KAT14: variants seen among roughly 807,000 people sequenced by gnomAD.
The protein encoded by KAT14 is cysteine-rich protein 2-binding protein.
KAT14 carries 66 observed loss-of-function variants against 78.4 expected under a neutral mutation model. The ratio of observed to expected loss-of-function variants is 0.84; its 90% CI spans 0.69 to 1.03. The LOEUF is 1.03. Ranked by LOEUF, KAT14 falls within the 50% of genes least tolerant of loss-of-function variation. The pLI, the probability that KAT14 is intolerant of heterozygous loss-of-function variation, is 0.00. For missense variants in KAT14, 870 were observed against 972.5 expected (o/e 0.89, Z 1.40); for synonymous variants, 344 against 359.4 (o/e 0.96, Z 0.48).
intron 8 of KAT14, among the ~76,000 whole-genome samples, chr20:18,182,356 A>T (rs1454545354): frequency 6.6e-6 from 1 of 152,130 alleles, no homozygotes; most frequent in East Asian, 1.9e-4. Context: ...TCCTGACCTC[A>T]AGTGATCCAC....
intron 7 of KAT14, among the ~76,000 whole-genome samples, chr20:18,181,003 T>C (rs1055141631): frequency 2.6e-5 from 4 of 152,132 alleles, no homozygotes; most frequent in African/African-American, 9.7e-5. Context: ...AGCAATCATA[T>C]AATATGACTC....
chr20:18,187,156 G>T (rs757628810), intron 10 of KAT14, 130 bp from the exon 11 acceptor site: 1 of 1,223,132 alleles, frequency 8.2e-7, no homozygotes, highest in Non-Finnish European at 1.1e-6. Context: ...GTGTTGCAAT[G>T]TCTCAGCCTC....
chr20:18,167,197 A>C (rs769730541), intron 7 of KAT14, among the ~76,000 whole-genome samples: 1 of 152,222 alleles, frequency 6.6e-6, no homozygotes, highest in Admixed American at 6.5e-5. Flanking sequence ...ATTTGGTCCC[A>C]GTTCCAGAGG....
chr20:18,138,140 C>G (rs1038396641), intron 1 of KAT14, 89 bp downstream of exon 1: 1 of 1,355,142 alleles, frequency 7.4e-7, no homozygotes. Flanking sequence ...GGTTCCTCAG[C>G]TCCTCTTCGT....
At chr20:18,156,580 CA>C (rs1355040264) in intron 4 of KAT14, among the ~76,000 whole-genome samples, 1 of 152,126 alleles carries the variant, frequency 6.6e-6, no homozygotes, top group African/African-American at 2.4e-5. Flanking sequence ...ATGGCTTAAA[CA>C]ACAGAAATGT....
chr20:18,150,724 C>G (rs1400433314), intron 3 of KAT14, 97 bp from the exon 4 acceptor site: 69 of 1,562,280 alleles, frequency 4.4e-5, no homozygotes, highest in Non-Finnish European at 6.0e-5. Flanking sequence ...CCCCACCATT[C>G]CTACTCAGAA....
chr20:18,138,100 C>T (rs574756111), intron 1 of KAT14, 49 bp downstream of exon 1: 3 of 1,427,816 alleles, frequency 2.1e-6, no homozygotes, highest in Non-Finnish European at 2.7e-6. Flanking sequence ...GCGGCGTCGA[C>T]CTGGGGCCTC....
intron 4 of KAT14, among the ~76,000 whole-genome samples, chr20:18,154,526 T>C (rs2038155814): frequency 6.6e-6 from 1 of 152,192 alleles, no homozygotes; most frequent in Admixed American, 6.5e-5. Flanking sequence ...CACAAGCCTT[T>C]ATTAGACTCC....
chr20:18,185,187 A>T (rs2039414171), intron 10 of KAT14, among the ~76,000 whole-genome samples: 1 of 152,148 alleles, frequency 6.6e-6, no homozygotes, highest in South Asian at 2.1e-4. Context: ...AATATTTGTA[A>T]ACATTTTAGC....
chr20:18,176,191 CT>C (rs1401332432), intron 7 of KAT14, among the ~76,000 whole-genome samples: 2 of 151,516 alleles, frequency 1.3e-5, no homozygotes, highest in East Asian at 3.9e-4. Context: ...AGTCCCACTA[CT>C]CAGGAGGCTG....
chr20:18,138,185 A>T (rs2295181), intron 1 of KAT14, 134 bp downstream of exon 1: 543,109 of 1,262,714 alleles, frequency 0.43, 117,324 homozygotes, highest in Middle Eastern at 0.44. Flanking sequence ...CCTGCACCCC[A>T]CGCGTTTGCG....
intron 7 of KAT14, among the ~76,000 whole-genome samples, chr20:18,171,715 G>A (rs2038851444): frequency 6.6e-6 from 1 of 152,210 alleles, no homozygotes; most frequent in Admixed American, 6.5e-5. Context: ...GGGAGGCTGA[G>A]GCAGGAGAAT....
rs1397284040 is a variant in KAT14, at chr20:18,185,029, T to G, written c.2172+237T>G. ...GACTCAGGTTTCATAGAAACCAGTTTGTGAACATGTGTATAAATAAAATGA... is the reference window on the plus strand; with the variant it reads ...GACTCAGGTTTCATAGAAACCAGTTGGTGAACATGTGTATAAATAAAATGA... On this transcript the variant is annotated intron_variant, in intron 10 of 10. Transcript: ENST00000688188. Among the ~76,000 whole-genome samples, 3 of 152,210 alleles carry G rather than the reference T, an allele frequency of 2.0e-5. No homozygotes were observed. In the South Asian group the frequency reaches 6.2e-4, roughly 31 times the overall value.
At chr20:18,169,258 T>C (rs1025043850) in intron 7 of KAT14, among the ~76,000 whole-genome samples, 1 of 152,236 alleles carries the variant, frequency 6.6e-6, no homozygotes, top group Non-Finnish European at 1.5e-5. Context: ...ATTATAGGCA[T>C]ATCTTGTTTT....
At chr20:18,159,730 T>C (rs2038350374) in intron 5 of KAT14, among the ~76,000 whole-genome samples, 1 of 152,212 alleles carries the variant, frequency 6.6e-6, no homozygotes, top group Non-Finnish European at 1.5e-5. Context: ...AACATTTCAT[T>C]CCTAAATATC....
At chr20:18,166,039 A>G (rs2038627338) in intron 7 of KAT14, among the ~76,000 whole-genome samples, 1 of 152,212 alleles carries the variant, frequency 6.6e-6, no homozygotes, top group Admixed American at 6.5e-5. Flanking sequence ...GATAGCCTCA[A>G]TATGTGTTAG....
chr20:18,185,982 C>G (rs1042984735), intron 10 of KAT14, among the ~76,000 whole-genome samples: 3 of 152,192 alleles, frequency 2.0e-5, no homozygotes, highest in Admixed American at 2.0e-4. Flanking sequence ...ACAACACTCC[C>G]TTTCTCTGCC....
intron 7 of KAT14, among the ~76,000 whole-genome samples, chr20:18,171,685 A>G (rs918754191): frequency 2.0e-5 from 3 of 152,044 alleles, no homozygotes; most frequent in Non-Finnish European, 4.4e-5. Flanking sequence ...GGTGGTGTAC[A>G]CCTGTAGTCC....
intron 8 of KAT14, among the ~76,000 whole-genome samples, chr20:18,182,592 G>C (rs1422980918): frequency 6.6e-6 from 1 of 152,206 alleles, no homozygotes; most frequent in Non-Finnish European, 1.5e-5. Context: ...TTGCTAGAGA[G>C]GACCCAGCAG....
Sources: allele counts gnomAD v4.1 joint callset (sites outside exome capture counted in the v4.1 genomes callset), GRCh38; gene constraint gnomAD v4.1.1; transcripts MANE v1.5; gene names NCBI Gene and HGNC (gene_info 2026-07-23, HGNC 2026-07-21).